The following LNX1 variants were observed in gnomAD, a reference collection of about 807,000 sequenced individuals.
The protein encoded by LNX1 is E3 ubiquitin-protein ligase LNX.
A neutral mutation model predicts 68.4 loss-of-function variants in LNX1; 54 were observed. That is an observed-to-expected ratio of 0.79 (90% CI 0.63 to 0.99). The LOEUF (loss-of-function observed/expected upper bound fraction) is 0.99. LNX1 is among the 50% of genes least tolerant of loss of function. The probability of loss-of-function intolerance (pLI) is 0.00; values close to 1 mark genes in which losing one functional copy is unlikely to be tolerated. For synonymous variants in LNX1, 336 were observed against 350.0 expected, an observed-to-expected ratio of 0.96 and a Z score of 0.45; for missense variants, 906 against 926.4, an observed-to-expected ratio of 0.98 and a Z score of 0.29.
intron 7 of LNX1, among the ~76,000 whole-genome samples, chr4:53,481,290 C>G (rs1264294930): frequency 6.6e-6 from 1 of 152,178 alleles, no homozygotes; most frequent in Non-Finnish European, 1.5e-5. Context: ...CTGGGCCCTT[C>G]GGCAAACACA....
intron 1 of LNX1, among the ~76,000 whole-genome samples, chr4:53,589,220 C>G (rs1732359089): frequency 6.6e-6 from 1 of 152,174 alleles, no homozygotes; most frequent in South Asian, 2.1e-4. Context: ...GGATGAGAGC[C>G]TTAGAGTGGG....
intron 9 of LNX1, among the ~76,000 whole-genome samples, chr4:53,466,806 T>C (rs1457143225): frequency 6.6e-6 from 1 of 152,198 alleles, no homozygotes; most frequent in Non-Finnish European, 1.5e-5. Context: ...TTGCCCAGGC[T>C]TGAGTAGGTA....
rs372370274 is a variant in LNX1, at chr4:53,584,864, CT to C, written c.-87+6523del. On this transcript the variant is annotated intron_variant, in intron 1 of 10. Transcript: ENST00000263925. ...CTAGTGCTTCCCACGTTACTTTGACCTTTGGCCTTGTTCTGCCTTTCAGTGT... is the reference window on the plus strand; with the variant it reads ...CTAGTGCTTCCCACGTTACTTTGACCTTGGCCTTGTTCTGCCTTTCAGTGT... Among the ~76,000 whole-genome samples, 74 of 152,350 alleles carry C rather than the reference CT, an allele frequency of 4.9e-4. 1 individual carries two copies. In the South Asian group the frequency reaches 0.015, roughly 31 times the overall value.
At chr4:53,646,332 C>T (rs1019076100) in intron 1 of LNX1, among the ~76,000 whole-genome samples, 1 of 152,182 alleles carries the variant, frequency 6.6e-6, no homozygotes. Flanking sequence ...TCTTCCCTGG[C>T]CACTCTGCTA....
intron 9 of LNX1, among the ~76,000 whole-genome samples, chr4:53,466,774 G>C (rs953653865): frequency 6.6e-6 from 1 of 152,238 alleles, no homozygotes; most frequent in African/African-American, 2.4e-5. Flanking sequence ...TGGCAGCAAG[G>C]CTGGGGGAGG....
intron 1 of LNX1, among the ~76,000 whole-genome samples, chr4:53,627,930 G>A (rs1734137628): frequency 6.6e-6 from 1 of 152,172 alleles, no homozygotes; most frequent in South Asian, 2.1e-4. Flanking sequence ...GTGGGCCCTG[G>A]ATTTACATCA....
rs1275068647 is a variant in LNX1, at chr4:53,636,729, C to A, written c.-215+15439G>T. Among the ~76,000 whole-genome samples the A allele has an allele frequency of 2.6e-5, 4 of 152,104 alleles. No individual in the cohort carries two copies. The South Asian group carries it at 8.3e-4, about 32-fold the overall frequency. On this transcript the variant is annotated intron_variant, in intron 1 of 2. Coordinates refer to the LNX1 transcript ENST00000507168. The stretch of plus-strand genomic sequence containing the variant: ...CCACATTTTCCTATCAGGGAGCAAA[C>A]CCTCAGCTCCCTTTTCATCTTACAC...
At chr4:53,463,807 A>G (rs905202922) in intron 9 of LNX1, among the ~76,000 whole-genome samples, 2 of 152,070 alleles carry the variant, frequency 1.3e-5, no homozygotes, top group African/African-American at 2.4e-5. Context: ...TGAGCTGCTC[A>G]AGAAGCTAAG....
chr4:53,464,011 C>T (rs1722440276), intron 9 of LNX1, among the ~76,000 whole-genome samples: 1 of 151,970 alleles, frequency 6.6e-6, no homozygotes, highest in African/African-American at 2.4e-5. Context: ...TTATTTCTTC[C>T]TGATGATTTA....
intron 9 of LNX1, among the ~76,000 whole-genome samples, chr4:53,469,896 G>A (rs569772508): frequency 1.7e-4 from 26 of 152,240 alleles, no homozygotes; most frequent in African/African-American, 4.8e-4. Flanking sequence ...ATTCACAGCC[G>A]AATTCTACCA....
intron 2 of LNX1, among the ~76,000 whole-genome samples, chr4:53,553,955 T>G (rs1174912380): frequency 6.6e-6 from 1 of 152,158 alleles, no homozygotes; most frequent in Non-Finnish European, 1.5e-5. Context: ...GGTTCGGAGT[T>G]CCAAGCTAAG....
At chr4:53,574,975 A>C (rs1052863050) in intron 1 of LNX1, among the ~76,000 whole-genome samples, 3 of 132,236 alleles carry the variant, frequency 2.3e-5, no homozygotes, top group African/African-American at 8.3e-5. Flanking sequence ...ATTCCATTAG[A>C]TATTTCGTTT....
chr4:53,628,512 A>G (rs1734156101), intron 1 of LNX1, among the ~76,000 whole-genome samples: 1 of 152,204 alleles, frequency 6.6e-6, no homozygotes, highest in African/African-American at 2.4e-5. Flanking sequence ...TGGATGTGAC[A>G]AAAGGGGAAT....
intron 1 of LNX1, among the ~76,000 whole-genome samples, chr4:53,643,156 T>C (rs1316762792): frequency 6.6e-6 from 1 of 152,128 alleles, no homozygotes; most frequent in East Asian, 1.9e-4. Context: ...TTGGTCTTTT[T>C]TTTTTCTTTT....
chr4:53,558,259 C>T, intron 2 of LNX1: 1 of 1,202,804 alleles, frequency 8.3e-7, no homozygotes, highest in Non-Finnish European at 1.0e-6. Context: ...CCAGCCCCTC[C>T]TGCAGGATGC....
chr4:53,584,348 T>C (rs1732031206), intron 1 of LNX1, among the ~76,000 whole-genome samples: 1 of 152,106 alleles, frequency 6.6e-6, no homozygotes, highest in African/African-American at 2.4e-5. Context: ...TCATCTCCAA[T>C]ACATTTAAGT....
At position 53,459,401 on chromosome 4, in the gene LNX1, T is replaced by C. The variant is rs1333677316; in HGVS notation, c.*1506A>G. 6.2e-7 allele frequency: 1 copy of C among 1,611,870 alleles called. No homozygotes were observed. Among genetic ancestry groups the C allele is most frequent in the Non-Finnish European group, 8.5e-7 (1 of 1,179,494 alleles). ...GCAAAGAAGGAAAAGAAGCGGGCAG[T>C]GAGCCTGCCCCTGAACAGGAGAGCA... is the stretch of plus-strand genomic sequence containing the variant. On this transcript the variant is annotated 3_prime_UTR_variant, in exon 11 of 11. Transcript: ENST00000263925.
chr4:53,562,574 A>C (rs1287416259), intron 2 of LNX1, among the ~76,000 whole-genome samples: 3 of 152,232 alleles, frequency 2.0e-5, no homozygotes, highest in Non-Finnish European at 4.4e-5. Context: ...AATGAAACGC[A>C]TTCTGGAGAA....
chr4:53,623,369 C>A lies in LNX1; in HGVS notation c.-215+28799G>T, dbSNP rs1304602350. Reference sequence around the variant, plus strand: ...ACCTCAGCTTCCCAAGTAGCTGGGACCACAGGTGGATGCTACCATGCCTGG... The same window carrying A: ...ACCTCAGCTTCCCAAGTAGCTGGGAACACAGGTGGATGCTACCATGCCTGG... On this transcript the variant is annotated intron_variant, in intron 1 of 2. Coordinates refer to the LNX1 transcript ENST00000507168. 2.0e-5 allele frequency among the ~76,000 whole-genome samples: 3 copies of A among 151,820 alleles called. 1 individual carries two copies. Among genetic ancestry groups the A allele is most frequent in the Non-Finnish European group, 1.5e-5 (1 of 67,962 alleles).
Sources: gnomAD v4.1 joint callset for allele counts (sites outside exome capture counted in the v4.1 genomes callset) on GRCh38, gnomAD v4.1.1 for gene constraint, MANE v1.5 for transcripts, NCBI Gene and HGNC (gene_info 2026-07-23, HGNC 2026-07-21) for gene names.